The following FBXO34 variants were observed in gnomAD, a reference collection of about 807,000 sequenced individuals.
The protein encoded by FBXO34 is F-box only protein 34.
FBXO34 carries 12 observed loss-of-function variants against 24.5 expected under a neutral mutation model. That is an observed-to-expected ratio of 0.49 (90% CI 0.31 to 0.79). FBXO34 has a LOEUF of 0.79. FBXO34 is among the 30% of genes least tolerant of loss of function. The pLI, the probability that FBXO34 is intolerant of heterozygous loss-of-function variation, is 0.04. For missense variants in FBXO34, 823 were observed against 857.7 expected, an observed-to-expected ratio of 0.96 and a Z score of 0.51; for synonymous variants, 320 against 311.9, an observed-to-expected ratio of 1.03 and a Z score of -0.27.
chr14:55,378,066 C>A, the FBXO34 span: 1 of 1,612,630 alleles, frequency 6.2e-7, no homozygotes, highest in Non-Finnish European at 8.5e-7. Context: ...ATTTTCGCCA[C>A]AAAATTCACT....
chr14:55,280,859 G>T (rs780184796), intron 1 of FBXO34, among the ~76,000 whole-genome samples: 3 of 152,046 alleles, frequency 2.0e-5, no homozygotes, highest in Non-Finnish European at 4.4e-5. Flanking sequence ...ATGGAGTTTG[G>T]TGTCCAAGGG....
chr14:55,298,988 A>G, intron 1 of FBXO34: 6 of 1,608,038 alleles, frequency 3.7e-6, no homozygotes, highest in Non-Finnish European at 5.1e-6. Flanking sequence ...ACATCGATAA[A>G]GTTGATGAGT....
chr14:55,309,235 A>T (rs915337126), intron 1 of FBXO34, among the ~76,000 whole-genome samples: 3 of 152,138 alleles, frequency 2.0e-5, no homozygotes, highest in Non-Finnish European at 4.4e-5. Flanking sequence ...AAATATTCCT[A>T]TGAATACAGA....
At chr14:55,310,194 T>G (rs1882689517) in intron 1 of FBXO34, among the ~76,000 whole-genome samples, 1 of 152,186 alleles carries the variant, frequency 6.6e-6, no homozygotes, top group Non-Finnish European at 1.5e-5. Context: ...GAGAAGAGAT[T>G]AGTACTGTTT....
At chr14:55,272,297 A>T (rs1406183153) in intron 1 of FBXO34, 2 of 152,258 alleles carry the variant, frequency 1.3e-5, no homozygotes, top group South Asian at 2.1e-4. Flanking sequence ...AGCATTTTGC[A>T]ATTTTAATGT....
the FBXO34 span, among the ~76,000 whole-genome samples, chr14:55,417,003 A>G: frequency 4.6e-5 from 7 of 152,234 alleles, no homozygotes; most frequent in Non-Finnish European, 1.0e-4. Context: ...AACTAAGAGC[A>G]TTGCATTCAA....
chr14:55,406,474 A>AAGAT, the FBXO34 span, among the ~76,000 whole-genome samples: 4 of 152,242 alleles, frequency 2.6e-5, no homozygotes, highest in Admixed American at 1.3e-4. Flanking sequence ...AAAAATTATG[A>AAGAT]AGATAGAATA....
chr14:55,284,478 C>T (rs1215428221), intron 1 of FBXO34, among the ~76,000 whole-genome samples: 5 of 144,992 alleles, frequency 3.4e-5, no homozygotes, highest in South Asian at 4.3e-4. Flanking sequence ...TGCCATTGCA[C>T]TCCAGCCTGG....
At chr14:55,343,164 T>C (rs1176753428) in intron 1 of FBXO34, among the ~76,000 whole-genome samples, 1 of 152,168 alleles carries the variant, frequency 6.6e-6, no homozygotes, top group Non-Finnish European at 1.5e-5. Flanking sequence ...ATTTTCTTAC[T>C]GTATACTTTT....
intron 1 of FBXO34, among the ~76,000 whole-genome samples, chr14:55,311,139 A>G (rs1882724307): frequency 6.6e-6 from 1 of 152,222 alleles, no homozygotes; most frequent in South Asian, 2.1e-4. Flanking sequence ...ATGACTTGGG[A>G]GGACTCAGGA....
Position 55,288,304 on chromosome 14 carries a change from G to A in FBXO34, c.-11+16767G>A, listed in dbSNP as rs944924562. Among the ~76,000 whole-genome samples the A allele has an allele frequency of 6.6e-5, 10 of 151,860 alleles. No individual in the cohort carries two copies. In the East Asian group the frequency reaches 1.9e-3, roughly 29 times the overall value. ...AGTAAAGAAATTTTTTTAATTTTGT[G>A]CATTTAAATTATAATCATTACATAG... On this transcript the variant is annotated intron_variant, in intron 1 of 1. Transcript: ENST00000313833.
chr14:55,410,267 G>A, the FBXO34 span, among the ~76,000 whole-genome samples: 1 of 152,178 alleles, frequency 6.6e-6, no homozygotes, highest in Non-Finnish European at 1.5e-5. Flanking sequence ...GAGAAGACTA[G>A]GTTGGAGATA....
the FBXO34 span, among the ~76,000 whole-genome samples, chr14:55,386,300 A>C: frequency 6.6e-6 from 1 of 152,238 alleles, no homozygotes; most frequent in South Asian, 2.1e-4. Context: ...CATGATTAAA[A>C]TGACTCTGGA....
At chr14:55,437,082 G>A in the FBXO34 span, 51 of 1,435,436 alleles carry the variant, frequency 3.6e-5, no homozygotes, top group Non-Finnish European at 4.5e-5. Context: ...TACACAAAAG[G>A]GATGTCACTA....
chr14:55,341,456 AAGCATC>A (rs1158447315), intron 1 of FBXO34, among the ~76,000 whole-genome samples: 1 of 152,226 alleles, frequency 6.6e-6, no homozygotes, highest in Non-Finnish European at 1.5e-5. Context: ...AAGTAAAAGC[AAGCATC>A]AGCCCACTCA....
chr14:55,416,659 T>G, the FBXO34 span, among the ~76,000 whole-genome samples: 1 of 152,192 alleles, frequency 6.6e-6, no homozygotes, highest in African/African-American at 2.4e-5. Flanking sequence ...AAAACCAAAC[T>G]CTTTAGAAAC....
At chr14:55,346,587 T>C (rs1304699044) in intron 1 of FBXO34, among the ~76,000 whole-genome samples, 1 of 152,148 alleles carries the variant, frequency 6.6e-6, no homozygotes, top group African/African-American at 2.4e-5. Flanking sequence ...CACTTAGATA[T>C]ATAGCTTAAG....
chr14:55,328,886 A>T (rs1212384944), intron 1 of FBXO34, among the ~76,000 whole-genome samples: 1 of 152,148 alleles, frequency 6.6e-6, no homozygotes. Flanking sequence ...GATGTTTAAG[A>T]TGTAAGCATG....
chr14:55,377,693 A>C, the FBXO34 span: 1 of 570,376 alleles, frequency 1.8e-6, no homozygotes, highest in Non-Finnish European at 3.0e-6. Flanking sequence ...TCTGTATTGG[A>C]CTCCACTATT....
Sources: allele counts gnomAD v4.1 joint callset (sites outside exome capture counted in the v4.1 genomes callset), GRCh38; gene constraint gnomAD v4.1.1; transcripts MANE v1.5; gene names NCBI Gene and HGNC (gene_info 2026-07-23, HGNC 2026-07-21).